Variants in KALRN observed in about 807,000 individuals in gnomAD.
KALRN encodes kalirin RhoGEF kinase, also known as kalirin.
In KALRN, 70 loss-of-function variants were observed where a neutral mutation model predicts 353.7. That is an observed-to-expected ratio of 0.20 (90% CI 0.16 to 0.24). The LOEUF (loss-of-function observed/expected upper bound fraction) is 0.24. Ranked by LOEUF, KALRN falls within the 10% of genes least tolerant of loss-of-function variation. The probability of loss-of-function intolerance (pLI) is 1.00; values close to 1 mark genes in which losing one functional copy is unlikely to be tolerated. For missense variants in KALRN, 2,791 were observed against 3,756.7 expected, an observed-to-expected ratio of 0.74 and a Z score of 6.72; for synonymous variants, 1,391 against 1,434.8, an observed-to-expected ratio of 0.97 and a Z score of 0.69.
At chr3:124,631,518 C>T (rs1163750077) in intron 34 of KALRN, among the ~76,000 whole-genome samples, 1 of 152,084 alleles carries the variant, frequency 6.6e-6, no homozygotes, top group Non-Finnish European at 1.5e-5. Context: ...TTTTCATATC[C>T]CATACACACA....
chr3:124,508,375 C>T (rs1251206692), intron 33 of KALRN, among the ~76,000 whole-genome samples: 1 of 152,174 alleles, frequency 6.6e-6, no homozygotes, highest in African/African-American at 2.4e-5. Context: ...ATGCAGGTAT[C>T]CCTAAACAAT....
At chr3:124,449,791 T>C (rs2058599695) in intron 21 of KALRN, among the ~76,000 whole-genome samples, 2 of 152,248 alleles carry the variant, frequency 1.3e-5, no homozygotes, top group Non-Finnish European at 2.9e-5. Flanking sequence ...AATGGAATCA[T>C]ACAATATGAG....
chr3:124,189,286 T>G (rs9832419), intron 1 of KALRN, among the ~76,000 whole-genome samples: 58,464 of 151,942 alleles, frequency 0.38, 11,737 homozygotes, highest in East Asian at 0.51. Flanking sequence ...GCCAGTTAGT[T>G]TTGGTATGGA....
At chr3:124,517,512 C>T (rs2066751374) in intron 33 of KALRN, among the ~76,000 whole-genome samples, 1 of 152,204 alleles carries the variant, frequency 6.6e-6, no homozygotes, top group Non-Finnish European at 1.5e-5. Flanking sequence ...AGAGCCATTG[C>T]TCTTTAGAAT....
intron 33 of KALRN, among the ~76,000 whole-genome samples, chr3:124,515,849 T>C (rs1185990022): frequency 1.3e-5 from 2 of 152,218 alleles, no homozygotes; most frequent in Non-Finnish European, 2.9e-5. Flanking sequence ...GAGCTATGCA[T>C]TGATGTTTAG....
chr3:124,707,953 T>C (rs1480241203), intron 57 of KALRN, among the ~76,000 whole-genome samples: 1 of 152,220 alleles, frequency 6.6e-6, no homozygotes, highest in Non-Finnish European at 1.5e-5. Flanking sequence ...CTCTGAGAAC[T>C]GGACTATGAT....
chr3:124,067,531 A>C (rs2042476732), intron 1 of KALRN, among the ~76,000 whole-genome samples: 3 of 152,190 alleles, frequency 2.0e-5, no homozygotes, highest in African/African-American at 7.2e-5. Flanking sequence ...ACAAAAAAAA[A>C]CCACAAGAGA....
intron 21 of KALRN, among the ~76,000 whole-genome samples, chr3:124,448,692 A>C (rs2058480931): frequency 6.6e-6 from 1 of 151,704 alleles, no homozygotes; most frequent in African/African-American, 2.4e-5. Context: ...TCATCCCTGC[A>C]CTACGGCCCT....
chr3:124,113,446 A>C (rs1476319012), intron 1 of KALRN, among the ~76,000 whole-genome samples: 1 of 152,192 alleles, frequency 6.6e-6, no homozygotes, highest in Non-Finnish European at 1.5e-5. Flanking sequence ...CGGAGATAGA[A>C]TATGCATGTG....
intron 13 of KALRN, among the ~76,000 whole-genome samples, chr3:124,400,135 A>ATT (rs200343538): frequency 6.6e-6 from 1 of 150,554 alleles, no homozygotes; most frequent in Admixed American, 6.6e-5. Flanking sequence ...TTTAGAAGGA[A>ATT]TTTTTTTTTT....
At chr3:124,654,305 T>G (rs2083747623) in intron 38 of KALRN, among the ~76,000 whole-genome samples, 1 of 152,182 alleles carries the variant, frequency 6.6e-6, no homozygotes, top group South Asian at 2.1e-4. Context: ...AAGCATGTGT[T>G]CCTCTGCTTC....
chr3:124,392,931 TC>T (rs2089654745), intron 11 of KALRN, among the ~76,000 whole-genome samples: 1 of 95,304 alleles, frequency 1.0e-5, no homozygotes, highest in Non-Finnish European at 2.0e-5. Flanking sequence ...ATGCTATCCC[TC>T]CCCCCTCCCC....
intron 3 of KALRN, among the ~76,000 whole-genome samples, chr3:124,254,808 G>C (rs193140171): frequency 6.0e-4 from 91 of 152,314 alleles, no homozygotes; most frequent in African/African-American, 2.2e-3. Context: ...CCAAGATGTA[G>C]CTGCTGGTCT....
chr3:124,096,692 A>C (rs886546301), intron 1 of KALRN: 1 of 152,222 alleles, frequency 6.6e-6, no homozygotes, highest in African/African-American at 2.4e-5. Flanking sequence ...GACTTAAAAC[A>C]TAAAGGGTCT....
chr3:124,042,272 T>C (rs758818679), intron 1 of KALRN, among the ~76,000 whole-genome samples: 3 of 152,200 alleles, frequency 2.0e-5, no homozygotes, highest in East Asian at 1.9e-4. Flanking sequence ...GGTTGATTAG[T>C]TGATTCCTTT....
chr3:124,385,106 C>A, intron 11 of KALRN, 70 bp downstream of exon 11: 1 of 1,395,196 alleles, frequency 7.2e-7, no homozygotes, highest in East Asian at 2.3e-5. Context: ...GTAAAATGGC[C>A]CTGAAGGTCT....
intron 5 of KALRN, among the ~76,000 whole-genome samples, chr3:124,274,675 A>G (rs1241127687): frequency 1.3e-5 from 2 of 152,180 alleles, no homozygotes; most frequent in Non-Finnish European, 1.5e-5. Flanking sequence ...CACCCAAGAC[A>G]ATATCCTTAT....
intron 10 of KALRN, among the ~76,000 whole-genome samples, chr3:124,378,714 C>A (rs916815529): frequency 6.6e-6 from 1 of 151,352 alleles, no homozygotes; most frequent in Non-Finnish European, 1.5e-5. Flanking sequence ...TGTTTTGTTT[C>A]TTTTAGTACT....
At chr3:124,140,773 A>G (rs992388696) in intron 1 of KALRN, among the ~76,000 whole-genome samples, 2 of 152,028 alleles carry the variant, frequency 1.3e-5, no homozygotes, top group Non-Finnish European at 2.9e-5. Context: ...TCCAACTCCC[A>G]AAGCAGCAGC....
Sources: allele counts gnomAD v4.1 joint callset (sites outside exome capture counted in the v4.1 genomes callset), GRCh38; gene constraint gnomAD v4.1.1; transcripts MANE v1.5; gene names NCBI Gene and HGNC (gene_info 2026-07-23, HGNC 2026-07-21).